IL1RAPL1: variants seen among roughly 807,000 people sequenced by gnomAD.
IL1RAPL1 encodes interleukin-1 receptor accessory protein-like 1.
IL1RAPL1 carries 3 observed loss-of-function variants against 48.4 expected under a neutral mutation model. The ratio of observed to expected loss-of-function variants is 0.06; its 90% CI spans 0.03 to 0.16. The LOEUF (loss-of-function observed/expected upper bound fraction) is 0.16. IL1RAPL1 is among the 10% of genes least tolerant of loss of function. IL1RAPL1 has a pLI of 1.00. For synonymous variants in IL1RAPL1, 185 were observed against 187.7 expected (o/e 0.99, Z 0.12); for missense variants, 349 against 530.6 (o/e 0.66, Z 3.36).
chrX:29,835,300 A>G (rs925101055), intron 6 of IL1RAPL1, among the ~76,000 whole-genome samples: 5 of 112,086 alleles, frequency 4.5e-5, no homozygotes, highest in South Asian at 3.7e-4. Context: ...TGAAGTATAT[A>G]TACAATGTAG....
At chrX:28,817,801 G>C (rs1211796669) in intron 2 of IL1RAPL1, among the ~76,000 whole-genome samples, 1 of 110,659 alleles carries the variant, frequency 9.0e-6, no homozygotes, top group East Asian at 2.9e-4. Flanking sequence ...GCCTCCTCTG[G>C]AAGATGACCT....
chrX:29,282,829 C>T (rs1395012844), intron 2 of IL1RAPL1, 109 bp from the exon 3 acceptor site: 1 of 805,512 alleles, frequency 1.2e-6, no homozygotes, highest in Non-Finnish European at 1.8e-6. Context: ...AAATCTGACC[C>T]AATATGGATG....
At position 29,283,583 on chromosome X, in the gene IL1RAPL1, C is replaced by T. The variant is rs1478056662; in HGVS notation, c.362+366C>T. The stretch of plus-strand genomic sequence containing the variant: ...GTTGTAACATTTTGCTATTGCCCTT[C>T]GCAGACAGATAGAGCATGGATACTT... On this transcript the variant is annotated intron_variant, in intron 3 of 10. Coordinates refer to ENST00000378993, the MANE Select transcript of IL1RAPL1 (RefSeq NM_014271.4). Among the ~76,000 whole-genome samples, 5 of 112,300 alleles carry T rather than the reference C, an allele frequency of 4.5e-5. No homozygotes were observed. In the East Asian group the frequency reaches 8.4e-4, roughly 19 times the overall value.
intron 5 of IL1RAPL1, among the ~76,000 whole-genome samples, chrX:29,420,381 C>T (rs1180659055): frequency 8.9e-6 from 1 of 112,525 alleles, no homozygotes; most frequent in Non-Finnish European, 1.9e-5. Flanking sequence ...TGTTTGAATG[C>T]TTCTTTCTAC....
chrX:28,799,828 C>T (rs138330060), intron 2 of IL1RAPL1, among the ~76,000 whole-genome samples: 3,046 of 111,070 alleles, frequency 0.027, 165 homozygotes, highest in East Asian at 0.21. Flanking sequence ...TTGATGGTGT[C>T]GCCAATTACA....
At chrX:29,632,398 C>T (rs1379025208) in intron 5 of IL1RAPL1, among the ~76,000 whole-genome samples, 1 of 110,932 alleles carries the variant, frequency 9.0e-6, no homozygotes, top group South Asian at 3.9e-4. Flanking sequence ...ATCCGCCCAC[C>T]TCGGCCTCCC....
chrX:29,379,481 G>A (rs1466577138), intron 3 of IL1RAPL1, among the ~76,000 whole-genome samples: 4 of 111,915 alleles, frequency 3.6e-5, no homozygotes, highest in African/African-American at 1.3e-4. Context: ...AAGGCTCCTG[G>A]CTTTGCACCA....
intron 3 of IL1RAPL1, among the ~76,000 whole-genome samples, chrX:29,333,406 C>T (rs1932913502): frequency 1.0e-5 from 1 of 95,240 alleles, no homozygotes; most frequent in Non-Finnish European, 2.2e-5. Flanking sequence ...GGGCGGGGGG[C>T]TGACCCCCCC....
chrX:28,837,682 C>CTTT lies in IL1RAPL1; in HGVS notation c.82+48281_82+48283dup, dbSNP rs58666924. ...CAGTTACTAGGTACTCATTCCACTT[C>CTTT]TTTTTTTTTTTTTTTTTTTTTTTTT... On this transcript the variant is annotated intron_variant, in intron 2 of 10. Coordinates refer to ENST00000378993, the MANE Select transcript of IL1RAPL1 (RefSeq NM_014271.4). Among the ~76,000 whole-genome samples, 30 of 37,239 alleles carry CTTT rather than the reference C, an allele frequency of 8.1e-4. 2 individuals carry two copies. The highest frequency in any genetic ancestry group is 2.8e-3 in the African/African-American group (24 of 8,714). The allele number at this position is 37,239 out of a possible 115,157, so 32.3% of individuals were successfully genotyped here.
rs761284969 is a variant in IL1RAPL1, at chrX:29,229,995, A to G, written c.83-52943A>G. Reference sequence around the variant, plus strand: ...ACTGGCTGACGTGGCATTGAATATAACATTGTATTGTTGCTCTAAGCCTTT... The same window carrying G: ...ACTGGCTGACGTGGCATTGAATATAGCATTGTATTGTTGCTCTAAGCCTTT... On this transcript the variant is annotated intron_variant, in intron 2 of 10. Coordinates refer to ENST00000378993, the MANE Select transcript of IL1RAPL1 (RefSeq NM_014271.4). Among the ~76,000 whole-genome samples the G allele has an allele frequency of 4.5e-5, 5 of 112,167 alleles. No individual in the cohort carries two copies. The Admixed American group carries it at 4.7e-4, about 11-fold the overall frequency.
intron 2 of IL1RAPL1, among the ~76,000 whole-genome samples, chrX:29,005,959 T>C (rs1433863478): frequency 8.9e-6 from 1 of 111,950 alleles, no homozygotes; most frequent in Non-Finnish European, 1.9e-5. Context: ...TATAAACATA[T>C]ATGTGCAAAA....
At chrX:28,858,761 G>T (rs939876469) in intron 2 of IL1RAPL1, among the ~76,000 whole-genome samples, 2 of 112,197 alleles carry the variant, frequency 1.8e-5, no homozygotes, top group African/African-American at 6.5e-5. Flanking sequence ...AACTGAATCT[G>T]CAATATCTCC....
chrX:28,934,446 T>A lies in IL1RAPL1; in HGVS notation c.82+145021T>A, dbSNP rs777970204. Among the ~76,000 whole-genome samples the A allele has an allele frequency of 3.6e-5, 4 of 111,221 alleles. No individual in the cohort carries two copies. In the South Asian group the frequency reaches 1.5e-3, roughly 42 times the overall value. On this transcript the variant is annotated intron_variant, in intron 2 of 10. Transcript: ENST00000378993. ...TTAAATTTTTTTTAGTATATTTACA[T>A]AGTTGTGCAATTATCACCATAATCA...
At chrX:28,698,396 A>G (rs1935259071) in intron 1 of IL1RAPL1, among the ~76,000 whole-genome samples, 1 of 111,724 alleles carries the variant, frequency 9.0e-6, no homozygotes. Flanking sequence ...TAATCACAAT[A>G]TATACATTAT....
intron 2 of IL1RAPL1, among the ~76,000 whole-genome samples, chrX:28,976,107 G>T (rs1031191138): frequency 8.9e-6 from 1 of 112,302 alleles, no homozygotes; most frequent in African/African-American, 3.2e-5. Context: ...GTTAATATGA[G>T]TAAAATGGGA....
intron 5 of IL1RAPL1, among the ~76,000 whole-genome samples, chrX:29,538,645 T>G (rs1049613317): frequency 9.2e-6 from 1 of 109,240 alleles, no homozygotes; most frequent in Non-Finnish European, 1.9e-5. Flanking sequence ...GCCAAGGTTT[T>G]TTTTTTTTTT....
intron 2 of IL1RAPL1, among the ~76,000 whole-genome samples, chrX:28,813,174 A>G (rs919086393): frequency 9.0e-6 from 1 of 111,615 alleles, no homozygotes; most frequent in Non-Finnish European, 1.9e-5. Flanking sequence ...CTTTTCTAAC[A>G]TATGCATGCA....
intron 2 of IL1RAPL1, among the ~76,000 whole-genome samples, chrX:28,841,215 ACTT>A (rs1427734253): frequency 9.0e-6 from 1 of 110,832 alleles, no homozygotes; most frequent in African/African-American, 3.3e-5. Context: ...ACAAATTTAC[ACTT>A]ATTATGTTCA....
chrX:29,124,892 G>A (rs775721422), intron 2 of IL1RAPL1, among the ~76,000 whole-genome samples: 2 of 112,146 alleles, frequency 1.8e-5, no homozygotes, highest in South Asian at 7.5e-4. Flanking sequence ...GGCAGGAATA[G>A]TGTATTGTTC....
Sources: gnomAD v4.1 joint callset for allele counts (sites outside exome capture counted in the v4.1 genomes callset) on GRCh38, gnomAD v4.1.1 for gene constraint, MANE v1.5 for transcripts, NCBI Gene and HGNC (gene_info 2026-07-23, HGNC 2026-07-21) for gene names.